AGR3: variants seen among roughly 807,000 people sequenced by gnomAD.
AGR3 encodes anterior gradient protein 3.
A neutral mutation model predicts 24.5 loss-of-function variants in AGR3; 37 were observed. The ratio of observed to expected loss-of-function variants is 1.51; its 90% CI spans 1.16 to 1.99. The LOEUF is 1.99. Ranked by LOEUF, AGR3 falls within the 30% of genes most tolerant of loss-of-function variation. The pLI is 0.00. For missense variants in AGR3, 228 were observed against 191.1 expected, an observed-to-expected ratio of 1.19 and a Z score of -1.14; for synonymous variants, 75 against 61.6, an observed-to-expected ratio of 1.22 and a Z score of -1.02.
rs146169666 is a variant in AGR3 at position 16,868,086 on chromosome 7, T to C, written c.174-5424A>G. ...AAAGGAGTGAGGTGGTATTTCATTG[T>C]GGTATTAATTTGCATTTCCCTGATG... On this transcript the variant is annotated intron_variant, in intron 3 of 7. Transcript: ENST00000310398. 3.3e-3 allele frequency among the ~76,000 whole-genome samples: 504 copies of C among 152,294 alleles called. 3 individuals carry two copies. Among genetic ancestry groups the C allele is most frequent in the African/African-American group, 0.011 (472 of 41,574 alleles).
At chr7:16,866,087 C>T in intron 3 of AGR3, 1 of 593,210 alleles carries the variant, frequency 1.7e-6, no homozygotes, top group Non-Finnish European at 3.2e-6. Flanking sequence ...AACCATATAT[C>T]TGTTCTAAGG....
chr7:16,863,609 A>C (rs1781690637), intron 3 of AGR3, among the ~76,000 whole-genome samples: 1 of 152,118 alleles, frequency 6.6e-6, no homozygotes, highest in African/African-American at 2.4e-5. Flanking sequence ...GTATATACCC[A>C]GATGCATGTT....
downstream of AGR3, among the ~76,000 whole-genome samples, chr7:16,855,056 CAT>C (rs1399561355): frequency 6.6e-6 from 1 of 152,126 alleles, no homozygotes; most frequent in East Asian, 1.9e-4. Flanking sequence ...TGTTATGACA[CAT>C]ATAATGTATA....
chr7:16,871,971 A>G (rs1006146143), intron 3 of AGR3, among the ~76,000 whole-genome samples: 2 of 152,218 alleles, frequency 1.3e-5, no homozygotes, highest in Non-Finnish European at 2.9e-5. Context: ...CAAAAAATGG[A>G]AAGACATCCC....
intron 3 of AGR3, among the ~76,000 whole-genome samples, chr7:16,871,060 T>C (rs1308841936): frequency 6.6e-6 from 1 of 152,172 alleles, no homozygotes; most frequent in African/African-American, 2.4e-5. Context: ...TAGAACAGTG[T>C]CTGGTACATA....
At chr7:16,865,339 C>G (rs113594683) in intron 3 of AGR3, 8 of 1,153,342 alleles carry the variant, frequency 6.9e-6, no homozygotes, top group Admixed American at 5.3e-5. Flanking sequence ...TGACAGAGCA[C>G]CTCTAGAGAA....
downstream of AGR3, among the ~76,000 whole-genome samples, chr7:16,859,225 G>A (rs551097974): frequency 2.5e-5 from 3 of 121,170 alleles, no homozygotes; most frequent in Middle Eastern, 4.2e-3. Flanking sequence ...TAGTGAGACT[G>A]CATCTCAAAA....
At chr7:16,871,394 GC>G (rs1781860944) in intron 3 of AGR3, among the ~76,000 whole-genome samples, 1 of 152,088 alleles carries the variant, frequency 6.6e-6, no homozygotes, top group Admixed American at 6.6e-5. Context: ...AAACTAAAAT[GC>G]TTTTTTTTGA....
At chr7:16,865,994 A>T in intron 3 of AGR3, 1 of 666,228 alleles carries the variant, frequency 1.5e-6, no homozygotes, top group East Asian at 2.9e-5. Context: ...CTTTTCATGC[A>T]CAGCCAAGTT....
Position 16,873,844 on chromosome 7 carries a change from C to CAAGTGA in AGR3, c.110-2_110-1insTCACTT. The CAAGTGA allele has an allele frequency of 1.2e-6, 2 of 1,611,538 alleles. No individual in the cohort carries two copies. The highest frequency in any genetic ancestry group is 1.7e-6 in the Non-Finnish European group (2 of 1,178,192). ...ACCCAAGTGATGTCATCTCCCCATC[C>CAAGTGA]TGAAATAGAAGAGAGAAATCAATGC... On this transcript the variant is annotated splice_acceptor_variant, in intron 2 of 7. Transcript: ENST00000310398. LOFTEE classifies it high-confidence loss of function.
intron 3 of AGR3, chr7:16,864,161 C>T (rs1352543980): frequency 1.1e-5 from 7 of 647,440 alleles, no homozygotes; most frequent in African/African-American, 3.7e-5. Flanking sequence ...AATTAACAAA[C>T]TGTTGTGTAA....
intron 2 of AGR3, among the ~76,000 whole-genome samples, chr7:16,878,073 G>A (rs1051411110): frequency 6.6e-6 from 1 of 151,832 alleles, no homozygotes; most frequent in Non-Finnish European, 1.5e-5. Flanking sequence ...AGAGTTTGGG[G>A]TATAGTATAA....
intron 1 of AGR3, among the ~76,000 whole-genome samples, chr7:16,881,013 A>G (rs1016790480): frequency 5.9e-5 from 9 of 152,204 alleles, no homozygotes; most frequent in Non-Finnish European, 1.2e-4. Flanking sequence ...CCGTGGGAAT[A>G]GGGTCCAAAA....
downstream of AGR3, among the ~76,000 whole-genome samples, chr7:16,854,905 C>T (rs1781535276): frequency 6.6e-6 from 1 of 152,118 alleles, no homozygotes; most frequent in South Asian, 2.1e-4. Context: ...GTCTCTGTAT[C>T]CAAATTTCTT....
intron 3 of AGR3, chr7:16,864,599 G>T: frequency 6.7e-7 from 1 of 1,498,536 alleles, no homozygotes; most frequent in Non-Finnish European, 9.3e-7. Flanking sequence ...TTTCTCATTG[G>T]AATGGTTATT....
At chr7:16,881,198 A>G (rs933965921) in intron 1 of AGR3, among the ~76,000 whole-genome samples, 3 of 152,256 alleles carry the variant, frequency 2.0e-5, no homozygotes, top group Non-Finnish European at 2.9e-5. Flanking sequence ...AAAGCTGCGA[A>G]GCTTAGAGTT....
At chr7:16,864,668 G>A in intron 3 of AGR3, 2 of 1,585,810 alleles carry the variant, frequency 1.3e-6, no homozygotes, top group Non-Finnish European at 1.7e-6. Flanking sequence ...CAGAAGTCAG[G>A]AAAAAGTGCT....
In AGR3 at chr7:16,873,611, A is replaced by G. The variant is rs1781926284; in HGVS notation, c.173+169T>C. On this transcript the variant is annotated intron_variant, in intron 3 of 7. Transcript: ENST00000310398. ...AGTAGAGAGGATTTTGAGTGTTCCC[A>G]CCAGAAAGAAATGATATGTTTCAGG... 5.0e-6 allele frequency: 3 copies of G among 597,570 alleles called. No homozygotes were observed. The Admixed American group carries it at 8.9e-5, about 18-fold the overall frequency. The allele number at this position is 597,570 out of a possible 1,614,324, so 37.0% of individuals were successfully genotyped here.
intron 3 of AGR3, chr7:16,866,373 C>T (rs760465578): frequency 9.4e-6 from 3 of 317,944 alleles, no homozygotes; most frequent in Non-Finnish European, 2.0e-5. Context: ...TAATTCACCT[C>T]CTTTAAAAAG....
Sources: allele counts gnomAD v4.1 joint callset (sites outside exome capture counted in the v4.1 genomes callset), GRCh38; gene constraint gnomAD v4.1.1; transcripts MANE v1.5; gene names NCBI Gene and HGNC (gene_info 2026-07-23, HGNC 2026-07-21).